The following ERBB4 variants were observed in gnomAD, a reference collection of about 807,000 sequenced individuals.
The protein encoded by ERBB4 is erb-b2 receptor tyrosine kinase 4, also known as receptor tyrosine-protein kinase erbB-4.
Under a neutral mutation model 158.0 loss-of-function variants are expected in ERBB4, and 42 were observed. That is an observed-to-expected ratio of 0.27 (90% CI 0.21 to 0.34). The LOEUF is 0.34. Ranked by LOEUF, ERBB4 falls within the 10% of genes least tolerant of loss-of-function variation. The probability of loss-of-function intolerance (pLI) is 1.00; values close to 1 mark genes in which losing one functional copy is unlikely to be tolerated. For synonymous variants in ERBB4, 583 were observed against 558.7 expected (o/e 1.04, Z -0.61); for missense variants, 1,333 against 1,624.1 (o/e 0.82, Z 3.08).
chr2:211,400,599 GAGT>G (rs1468507413), intron 25 of ERBB4, among the ~76,000 whole-genome samples: 1 of 151,336 alleles, frequency 6.6e-6, no homozygotes, highest in East Asian at 1.9e-4. Context: ...TGGAGATAGA[GAGT>G]AGAAGGATGG....
chr2:211,658,390 A>T (rs1574938323), intron 15 of ERBB4, among the ~76,000 whole-genome samples: 1 of 151,718 alleles, frequency 6.6e-6, no homozygotes, highest in Non-Finnish European at 1.5e-5. Flanking sequence ...TAAAAAAAAA[A>T]CAATAAGAAA....
At chr2:212,352,377 A>G (rs924369276) in intron 1 of ERBB4, among the ~76,000 whole-genome samples, 3 of 152,150 alleles carry the variant, frequency 2.0e-5, no homozygotes, top group Non-Finnish European at 4.4e-5. Flanking sequence ...GAAAAGAAAA[A>G]GAAATAATCA....
intron 1 of ERBB4, among the ~76,000 whole-genome samples, chr2:212,469,785 C>G (rs1220432408): frequency 6.6e-6 from 1 of 152,040 alleles, no homozygotes; most frequent in Non-Finnish European, 1.5e-5. Flanking sequence ...ATCATGCATA[C>G]TTAATCTTTT....
At chr2:211,839,152 A>AAGGAGG (rs71409858) in intron 3 of ERBB4, among the ~76,000 whole-genome samples, 4,720 of 110,274 alleles carry the variant, frequency 0.043, 192 homozygotes, top group African/African-American at 0.076. Context: ...GGAGAGAGAG[A>AAGGAGG]AGGAGGAGGA....
intron 3 of ERBB4, among the ~76,000 whole-genome samples, chr2:211,860,033 G>C (rs55811259): frequency 5.9e-5 from 9 of 151,948 alleles, no homozygotes; most frequent in Non-Finnish European, 1.3e-4. Context: ...AAACATAAAT[G>C]GTGGTTATTA....
chr2:211,939,089 T>G (rs2080411532), intron 3 of ERBB4, among the ~76,000 whole-genome samples: 1 of 152,194 alleles, frequency 6.6e-6, no homozygotes, highest in African/African-American at 2.4e-5. Flanking sequence ...TCATGATATA[T>G]TCAAGTATTA....
chr2:212,473,133 G>A (rs1689198370), intron 1 of ERBB4, among the ~76,000 whole-genome samples: 3 of 151,792 alleles, frequency 2.0e-5, no homozygotes, highest in Admixed American at 1.3e-4. Flanking sequence ...TTTTTGTTTT[G>A]ATTTTATATA....
intron 1 of ERBB4, among the ~76,000 whole-genome samples, chr2:212,178,208 T>C (rs2081738670): frequency 6.6e-6 from 1 of 151,712 alleles, no homozygotes; most frequent in Non-Finnish European, 1.5e-5. Flanking sequence ...GGCTGTTAAG[T>C]AGGGGTGTGG....
intron 1 of ERBB4, among the ~76,000 whole-genome samples, chr2:212,322,637 C>T (rs567204925): frequency 1.3e-5 from 2 of 150,320 alleles, no homozygotes; most frequent in South Asian, 2.1e-4. Context: ...TACTTCACTA[C>T]CATTACCCTG....
At chr2:212,344,386 C>T (rs908696295) in intron 1 of ERBB4, among the ~76,000 whole-genome samples, 2 of 152,022 alleles carry the variant, frequency 1.3e-5, no homozygotes, top group Non-Finnish European at 2.9e-5. Context: ...TAAATGTCCC[C>T]TAAGGCACAT....
At chr2:212,090,012 G>A (rs1342352426) in intron 2 of ERBB4, among the ~76,000 whole-genome samples, 2 of 152,132 alleles carry the variant, frequency 1.3e-5, no homozygotes, top group African/African-American at 4.8e-5. Context: ...TCTCCACAAT[G>A]AAGTATGATT....
chr2:211,695,358 A>T (rs1236380434), intron 12 of ERBB4, among the ~76,000 whole-genome samples: 1 of 152,204 alleles, frequency 6.6e-6, no homozygotes, highest in African/African-American at 2.4e-5. Flanking sequence ...AACCAGAGAT[A>T]AATATAAAAA....
chr2:211,762,066 G>A (rs1330256757), intron 4 of ERBB4, among the ~76,000 whole-genome samples: 1 of 152,206 alleles, frequency 6.6e-6, no homozygotes, highest in African/African-American at 2.4e-5. Flanking sequence ...TACCTGGCTT[G>A]TAATAAGCAG....
intron 1 of ERBB4, among the ~76,000 whole-genome samples, chr2:212,306,102 T>G (rs2086799883): frequency 6.6e-6 from 1 of 151,490 alleles, no homozygotes; most frequent in African/African-American, 2.4e-5. Flanking sequence ...CCCAGTTGAA[T>G]GCTTTAAAAA....
At chr2:211,643,916 G>T (rs2070694316) in intron 16 of ERBB4, among the ~76,000 whole-genome samples, 1 of 152,012 alleles carries the variant, frequency 6.6e-6, no homozygotes, top group Admixed American at 6.6e-5. Context: ...AAATTCAAAA[G>T]TAGTAAATGT....
chr2:211,748,240 AAAT>A (rs1417640499), intron 5 of ERBB4, among the ~76,000 whole-genome samples: 5 of 151,996 alleles, frequency 3.3e-5, no homozygotes, highest in East Asian at 3.9e-4. Flanking sequence ...ACACAGATGA[AAAT>A]AATAATTAAA....
intron 11 of ERBB4, 121 bp from the exon 12 acceptor site, chr2:211,702,287 C>G (rs2073282897): frequency 1.2e-6 from 1 of 800,884 alleles, no homozygotes; most frequent in Admixed American, 2.0e-5. Context: ...ATCAATAAAT[C>G]TGTGTTTAGA....
intron 19 of ERBB4, among the ~76,000 whole-genome samples, chr2:211,576,904 A>G (rs1050576558): frequency 1.2e-4 from 18 of 152,142 alleles, no homozygotes; most frequent in Non-Finnish European, 2.2e-4. Context: ...AAAAAGATAA[A>G]TAACACTGGT....
chr2:211,683,068 A>C (rs531397709), intron 12 of ERBB4, among the ~76,000 whole-genome samples: 1 of 151,286 alleles, frequency 6.6e-6, no homozygotes, highest in African/African-American at 2.4e-5. Context: ...TTGATTCACT[A>C]TTTTATCTTT....
Sources: gnomAD v4.1 joint callset for allele counts (sites outside exome capture counted in the v4.1 genomes callset) on GRCh38, gnomAD v4.1.1 for gene constraint, MANE v1.5 for transcripts, NCBI Gene and HGNC (gene_info 2026-07-23, HGNC 2026-07-21) for gene names.